SMAP2: variants seen among roughly 807,000 people sequenced by gnomAD.
The protein encoded by SMAP2 is small ArfGAP2.
SMAP2 carries 25 observed loss-of-function variants against 56.4 expected under a neutral mutation model. The observed-to-expected ratio is 0.44, with a 90% CI of 0.32 to 0.62. The LOEUF is 0.62. SMAP2 is among the 20% of genes least tolerant of loss of function. The pLI, the probability that SMAP2 is intolerant of heterozygous loss-of-function variation, is 0.04. For synonymous variants in SMAP2, 157 were observed against 181.7 expected (o/e 0.86, Z 1.09); for missense variants, 388 against 545.6 (o/e 0.71, Z 2.88).
intron 1 of SMAP2, among the ~76,000 whole-genome samples, chr1:40,347,040 A>G (rs1644389198): frequency 1.3e-5 from 2 of 149,668 alleles, no homozygotes; most frequent in South Asian, 4.2e-4. Context: ...TTATTTATTT[A>G]TTTATTTATT....
At chr1:40,353,220 G>T (rs1224190083) in intron 1 of SMAP2, among the ~76,000 whole-genome samples, 3 of 152,242 alleles carry the variant, frequency 2.0e-5, no homozygotes, top group Non-Finnish European at 4.4e-5. Flanking sequence ...AAAAGAAACA[G>T]CTAAGATTGG....
In SMAP2 at chr1:40,353,091, A is replaced by G. The variant is rs796337171; in HGVS notation, c.-83+8181A>G. Reference sequence around the variant, plus strand: ...CCCATCTCTCTTGCTGCCTCCTGCCATAAGGGCTTTCCTGGTGTCCTTTGC... The same window carrying G: ...CCCATCTCTCTTGCTGCCTCCTGCCGTAAGGGCTTTCCTGGTGTCCTTTGC... On this transcript the variant is annotated intron_variant, in intron 1 of 6. Coordinates refer to the SMAP2 transcript ENST00000435168. Among the ~76,000 whole-genome samples, 28 of 152,332 alleles carry G rather than the reference A, an allele frequency of 1.8e-4. 1 individual carries two copies. The highest frequency in any genetic ancestry group is 6.3e-4 in the African/African-American group (26 of 41,584).
intron 1 of SMAP2, among the ~76,000 whole-genome samples, chr1:40,380,311 G>C (rs1276738280): frequency 6.6e-6 from 1 of 152,078 alleles, no homozygotes; most frequent in African/African-American, 2.4e-5. Flanking sequence ...ATGGTCTCTG[G>C]ATGTTTCCCG....
rs182804532 is a variant in SMAP2 at position 40,403,454 on chromosome 1, A to G, written c.104-3282A>G. Among the ~76,000 whole-genome samples the G allele has an allele frequency of 1.1e-4, 16 of 152,278 alleles. 1 individual carries two copies. Among genetic ancestry groups the G allele is most frequent in the East Asian group, 5.8e-4 (3 of 5,178 alleles). On this transcript the variant is annotated intron_variant, in intron 1 of 9. Transcript: ENST00000372718. ...TAGGAGACGGAGGTTGCAGTGAGCC[A>G]AAATCACGCCGCTGCACTCCAGCCT...
At chr1:40,417,763 G>A (rs544810190) in intron 9 of SMAP2, among the ~76,000 whole-genome samples, 1 of 152,130 alleles carries the variant, frequency 6.6e-6, no homozygotes, top group Admixed American at 6.5e-5. Context: ...GAGGACTGGT[G>A]GTGAAGGAAA....
chr1:40,355,259 G>T (rs1052078149), intron 1 of SMAP2, among the ~76,000 whole-genome samples: 2 of 152,138 alleles, frequency 1.3e-5, no homozygotes, highest in African/African-American at 4.8e-5. Flanking sequence ...TGATAGTGGT[G>T]CTTTTGCCTC....
At chr1:40,377,166 G>T (rs911093526) in intron 1 of SMAP2, among the ~76,000 whole-genome samples, 2 of 152,076 alleles carry the variant, frequency 1.3e-5, no homozygotes, top group Non-Finnish European at 2.9e-5. Flanking sequence ...TGCATCTGTG[G>T]TCCCAGCTAC....
At chr1:40,379,991 G>GTGA (rs1644581754) in intron 1 of SMAP2, among the ~76,000 whole-genome samples, 1 of 152,216 alleles carries the variant, frequency 6.6e-6, no homozygotes, top group Non-Finnish European at 1.5e-5. Flanking sequence ...TTGCAGCTTG[G>GTGA]TGACCTGATT....
chr1:40,396,123 A>T (rs1644769575), intron 1 of SMAP2, among the ~76,000 whole-genome samples: 1 of 152,206 alleles, frequency 6.6e-6, no homozygotes, highest in South Asian at 2.1e-4. Context: ...TTCTTCTGCT[A>T]GAATCTCCAA....
At chr1:40,345,966 C>CT (rs71060369) in intron 1 of SMAP2, among the ~76,000 whole-genome samples, 8,615 of 35,152 alleles carry the variant, frequency 0.25, 3,674 homozygotes, top group East Asian at 0.68. Flanking sequence ...ATTTCTATCA[C>CT]TTTTTTTTTT....
intron 1 of SMAP2, among the ~76,000 whole-genome samples, chr1:40,395,170 A>G (rs1201907554): frequency 6.6e-6 from 1 of 152,216 alleles, no homozygotes; most frequent in Non-Finnish European, 1.5e-5. Context: ...ATCAGGACAT[A>G]TGTTGGCAGA....
chr1:40,364,395 C>G (rs972437572), intron 2 of SMAP2, among the ~76,000 whole-genome samples: 1 of 151,976 alleles, frequency 6.6e-6, no homozygotes, highest in African/African-American at 2.4e-5. Context: ...TTTGAGACAG[C>G]CTGGGCAACA....
At chr1:40,412,386 T>A (rs1298077381) in intron 4 of SMAP2, among the ~76,000 whole-genome samples, 1 of 152,240 alleles carries the variant, frequency 6.6e-6, no homozygotes, top group Non-Finnish European at 1.5e-5. Context: ...AAGTGCATTT[T>A]AAATTGCATT....
At chr1:40,360,438 G>A (rs974563901) in intron 1 of SMAP2, among the ~76,000 whole-genome samples, 4 of 151,910 alleles carry the variant, frequency 2.6e-5, no homozygotes, top group African/African-American at 9.7e-5. Flanking sequence ...TGAGTAGTGG[G>A]ATTACAGGTA....
chr1:40,402,317 A>G (rs1644842661), intron 1 of SMAP2, among the ~76,000 whole-genome samples: 3 of 152,084 alleles, frequency 2.0e-5, no homozygotes, highest in African/African-American at 7.3e-5. Flanking sequence ...TTAGACATTT[A>G]TCTTTTCTTT....
At chr1:40,398,862 A>G (rs1028223958) in intron 1 of SMAP2, among the ~76,000 whole-genome samples, 19 of 152,340 alleles carry the variant, frequency 1.2e-4, no homozygotes, top group Admixed American at 1.2e-3. Context: ...TCAAGGAACC[A>G]TGCTATGCCG....
At chr1:40,401,281 C>CA (rs1412212098) in intron 1 of SMAP2, among the ~76,000 whole-genome samples, 2 of 151,950 alleles carry the variant, frequency 1.3e-5, no homozygotes, top group Non-Finnish European at 2.9e-5. Flanking sequence ...CAAACACACA[C>CA]AAAAAAGAAC....
At chr1:40,421,544 C>T (rs1315002840) in intron 9 of SMAP2, among the ~76,000 whole-genome samples, 1 of 152,128 alleles carries the variant, frequency 6.6e-6, no homozygotes, top group African/African-American at 2.4e-5. Flanking sequence ...CCTGCTCAAG[C>T]GCTTTCCCTG....
chr1:40,418,779 A>G (rs1645014484), intron 9 of SMAP2, among the ~76,000 whole-genome samples: 1 of 152,236 alleles, frequency 6.6e-6, no homozygotes, highest in Non-Finnish European at 1.5e-5. Flanking sequence ...AAGTGTATGC[A>G]AGACACAACA....
Sources: allele counts gnomAD v4.1 joint callset (sites outside exome capture counted in the v4.1 genomes callset), GRCh38; gene constraint gnomAD v4.1.1; transcripts MANE v1.5; gene names NCBI Gene and HGNC (gene_info 2026-07-23, HGNC 2026-07-21).